The following ADARB2 variants were observed in gnomAD, a reference collection of about 807,000 sequenced individuals.
ADARB2 encodes adenosine deaminase RNA specific B2 (inactive), also known as inactive double-stranded RNA-specific editase B2.
ADARB2 carries 25 observed loss-of-function variants against 62.2 expected under a neutral mutation model. The ratio of observed to expected loss-of-function variants is 0.40; its 90% CI spans 0.29 to 0.56. ADARB2 has a LOEUF of 0.56. Ranked by LOEUF, ADARB2 falls within the 20% of genes least tolerant of loss-of-function variation. The pLI is 0.43. For synonymous variants in ADARB2, 572 were observed against 500.8 expected, an observed-to-expected ratio of 1.14 and a Z score of -1.90; for missense variants, 1,071 against 1,077.4, an observed-to-expected ratio of 0.99 and a Z score of 0.08.
chr10:1,263,634 G>T (rs1246483420), intron 4 of ADARB2, among the ~76,000 whole-genome samples: 2 of 152,178 alleles, frequency 1.3e-5, no homozygotes, highest in Non-Finnish European at 2.9e-5. Flanking sequence ...TAGACCTTGA[G>T]AGTGTAGCAA....
At chr10:1,343,225 AAAG>A (rs1156321094) in intron 3 of ADARB2, among the ~76,000 whole-genome samples, 2 of 152,206 alleles carry the variant, frequency 1.3e-5, no homozygotes, top group South Asian at 2.1e-4. Context: ...ACACCTCTCA[AAAG>A]AAGACATCCA....
At chr10:1,399,468 C>T (rs1156611291) in intron 1 of ADARB2, among the ~76,000 whole-genome samples, 3 of 151,958 alleles carry the variant, frequency 2.0e-5, no homozygotes, top group Non-Finnish European at 4.4e-5. Flanking sequence ...CATTACCACT[C>T]AGCATTTCCC....
At chr10:1,281,849 T>C (rs1381329870) in intron 3 of ADARB2, among the ~76,000 whole-genome samples, 2 of 152,220 alleles carry the variant, frequency 1.3e-5, no homozygotes, top group African/African-American at 4.8e-5. Flanking sequence ...TGAGGGGCGC[T>C]TGACATTTAT....
At chr10:1,263,943 T>C (rs1398362443) in intron 4 of ADARB2, among the ~76,000 whole-genome samples, 1 of 152,232 alleles carries the variant, frequency 6.6e-6, no homozygotes, top group Non-Finnish European at 1.5e-5. Context: ...GCATTCACAC[T>C]ACGCAAGGGT....
intron 1 of ADARB2, among the ~76,000 whole-genome samples, chr10:1,382,788 C>T (rs1381248846): frequency 3.9e-5 from 6 of 152,044 alleles, no homozygotes; most frequent in Non-Finnish European, 7.4e-5. Flanking sequence ...ACGCTACCGC[C>T]GCCTCCCCAC....
chr10:1,728,155 A>G (rs1835190330), intron 1 of ADARB2, among the ~76,000 whole-genome samples: 1 of 152,148 alleles, frequency 6.6e-6, no homozygotes, highest in Non-Finnish European at 1.5e-5. Context: ...CTCTTTTATG[A>G]TGTAAGAAGA....
chr10:1,454,407 C>G (rs1290043516), intron 1 of ADARB2, among the ~76,000 whole-genome samples: 1 of 152,194 alleles, frequency 6.6e-6, no homozygotes, highest in Non-Finnish European at 1.5e-5. Context: ...ATATTAATGG[C>G]AGCACAATTT....
chr10:1,351,386 G>C (rs143448933), intron 3 of ADARB2, among the ~76,000 whole-genome samples: 1 of 151,638 alleles, frequency 6.6e-6, no homozygotes, highest in Non-Finnish European at 1.5e-5. Flanking sequence ...CATAACTGTT[G>C]TAGGTATTGA....
chr10:1,677,865 C>T (rs1834486656), intron 1 of ADARB2, among the ~76,000 whole-genome samples: 1 of 152,172 alleles, frequency 6.6e-6, no homozygotes, highest in South Asian at 2.1e-4. Flanking sequence ...GGCCAGGCTT[C>T]CCTCACTCTC....
intron 4 of ADARB2, among the ~76,000 whole-genome samples, chr10:1,267,703 TC>T (rs1831219147): frequency 6.6e-6 from 1 of 152,162 alleles, no homozygotes; most frequent in African/African-American, 2.4e-5. Flanking sequence ...CACAAGTGAA[TC>T]AAACTTAAAC....
chr10:1,346,908 T>C (rs10903428), intron 3 of ADARB2, among the ~76,000 whole-genome samples: 2,860 of 152,366 alleles, frequency 0.019, 89 homozygotes, highest in African/African-American at 0.065. Context: ...TGCATGTCAA[T>C]GGGGACGTGT....
rs1332701347 is a variant in ADARB2 at position 1,529,658 on chromosome 10, G to C, written c.101-150498C>G. 3.9e-5 allele frequency among the ~76,000 whole-genome samples: 6 copies of C among 152,232 alleles called. No individual in the cohort carries two copies. The East Asian group carries it at 1.2e-3, about 29-fold the overall frequency. ...CATTTAAAAAATAGCCCTTGTTGGA[G>C]CCCCTCTGCCCCTGCAACTCAGTAG... On this transcript the variant is annotated intron_variant, in intron 1 of 9. Transcript: ENST00000381312.
At chr10:1,265,375 C>G (rs979218867) in intron 4 of ADARB2, among the ~76,000 whole-genome samples, 1 of 152,238 alleles carries the variant, frequency 6.6e-6, no homozygotes, top group Non-Finnish European at 1.5e-5. Flanking sequence ...AAGCGGTGCC[C>G]TGACAGTTTG....
intron 1 of ADARB2, chr10:1,556,783 C>G (rs763256461): frequency 1.9e-6 from 1 of 534,522 alleles, no homozygotes. Context: ...TCTTCCTGCC[C>G]CTGACCACAG....
intron 1 of ADARB2, among the ~76,000 whole-genome samples, chr10:1,688,799 C>T (rs545966979): frequency 1.3e-3 from 192 of 152,358 alleles, no homozygotes; most frequent in African/African-American, 4.4e-3. Context: ...TCACTGACAT[C>T]ACAAAGCCTT....
At chr10:1,660,198 C>G (rs1001536214) in intron 1 of ADARB2, among the ~76,000 whole-genome samples, 1 of 152,264 alleles carries the variant, frequency 6.6e-6, no homozygotes, top group Non-Finnish European at 1.5e-5. Flanking sequence ...TAGAAGCTCC[C>G]TGTGACCGAG....
intron 1 of ADARB2, among the ~76,000 whole-genome samples, chr10:1,695,999 G>A (rs1834737782): frequency 7.0e-6 from 1 of 143,236 alleles, no homozygotes; most frequent in Admixed American, 6.7e-5. Flanking sequence ...ATGTGTGTGG[G>A]GTGTGCCTGT....
chr10:1,346,743 CCAGGCCCATGT>C (rs1213220585), intron 3 of ADARB2, among the ~76,000 whole-genome samples: 1 of 152,252 alleles, frequency 6.6e-6, no homozygotes, highest in Non-Finnish European at 1.5e-5. Flanking sequence ...AGGCCGGGAG[CCAGGCCCATGT>C]CAGGCGAGGG....
intron 2 of ADARB2, among the ~76,000 whole-genome samples, chr10:1,376,223 G>A (rs765360801): frequency 1.1e-4 from 17 of 151,772 alleles, no homozygotes; most frequent in Non-Finnish European, 2.4e-4. Flanking sequence ...AACAATCTAT[G>A]AAAATAAAGT....
Sources: gnomAD v4.1 joint callset for allele counts (sites outside exome capture counted in the v4.1 genomes callset) on GRCh38, gnomAD v4.1.1 for gene constraint, MANE v1.5 for transcripts, NCBI Gene and HGNC (gene_info 2026-07-23, HGNC 2026-07-21) for gene names.